GRID2: variants seen among roughly 807,000 people sequenced by gnomAD.
GRID2 encodes glutamate ionotropic receptor delta type subunit 2.
In GRID2, 33 loss-of-function variants were observed where a neutral mutation model predicts 114.8. The observed-to-expected ratio is 0.29, with a 90% CI of 0.22 to 0.38. The LOEUF is 0.38. GRID2 is among the 10% of genes least tolerant of loss of function. The pLI is 1.00. For synonymous variants in GRID2, 505 were observed against 449.9 expected, an observed-to-expected ratio of 1.12 and a Z score of -1.55; for missense variants, 1,184 against 1,257.7, an observed-to-expected ratio of 0.94 and a Z score of 0.89.
intron 2 of GRID2, among the ~76,000 whole-genome samples, chr4:92,807,429 C>CA (rs1167587086): frequency 2.7e-5 from 4 of 149,876 alleles, no homozygotes; most frequent in Admixed American, 1.3e-4. Flanking sequence ...ATGTGATGTG[C>CA]AAAAAAAATG....
chr4:93,055,926 T>C (rs1727189714), intron 2 of GRID2, among the ~76,000 whole-genome samples: 1 of 151,908 alleles, frequency 6.6e-6, no homozygotes. Context: ...GAACCCCCTT[T>C]ATGCTCCCCT....
intron 1 of GRID2, among the ~76,000 whole-genome samples, chr4:92,344,591 G>A (rs1023664013): frequency 2.0e-5 from 3 of 152,132 alleles, no homozygotes; most frequent in Non-Finnish European, 2.9e-5. Context: ...ACTCGGATTC[G>A]AGTGGTGTAG....
intron 2 of GRID2, among the ~76,000 whole-genome samples, chr4:92,753,942 T>G (rs1737582804): frequency 6.6e-6 from 1 of 152,224 alleles, no homozygotes; most frequent in African/African-American, 2.4e-5. Flanking sequence ...GTCTCTTAAC[T>G]GTATAGATAC....
chr4:93,720,014 T>C (rs1303809771), intron 14 of GRID2, among the ~76,000 whole-genome samples: 1 of 152,192 alleles, frequency 6.6e-6, no homozygotes, highest in Admixed American at 6.6e-5. Context: ...TTTGATGAAG[T>C]CTGTTTCATC....
intron 8 of GRID2, among the ~76,000 whole-genome samples, chr4:93,313,063 G>A (rs912119780): frequency 6.6e-6 from 1 of 151,802 alleles, no homozygotes; most frequent in Non-Finnish European, 1.5e-5. Context: ...CATTTATTGA[G>A]AAAAGTCCAG....
intron 1 of GRID2, among the ~76,000 whole-genome samples, chr4:92,330,336 G>T (rs1398449299): frequency 6.6e-6 from 1 of 152,118 alleles, no homozygotes; most frequent in East Asian, 1.9e-4. Flanking sequence ...TGCTTGGAAG[G>T]CTCCTTGACA....
At chr4:93,766,908 T>C (rs1733721123) in intron 14 of GRID2, among the ~76,000 whole-genome samples, 1 of 152,192 alleles carries the variant, frequency 6.6e-6, no homozygotes, top group South Asian at 2.1e-4. Flanking sequence ...TCAAGAACTT[T>C]TCCCTCTTGC....
At chr4:93,524,830 T>C (rs1411890180) in intron 13 of GRID2, among the ~76,000 whole-genome samples, 2 of 104,948 alleles carry the variant, frequency 1.9e-5, no homozygotes, top group Admixed American at 8.9e-5. Context: ...TATGTATATA[T>C]ATATATATAT....
chr4:92,570,392 A>C lies in GRID2; in HGVS notation c.89-19739A>C, dbSNP rs185715279. Among the ~76,000 whole-genome samples, 3 of 152,022 alleles carry C rather than the reference A, an allele frequency of 2.0e-5. No individual in the cohort carries two copies. In the East Asian group the frequency reaches 5.8e-4, roughly 29 times the overall value. On this transcript the variant is annotated intron_variant, in intron 1 of 15. Coordinates refer to ENST00000282020, the MANE Select transcript of GRID2 (RefSeq NM_001510.4). ...TATAGTTTGAAGTGAGATAGCATGA[A>C]GCCTTTGGGTTTGTTCTTTTTGCTT...
At chr4:93,354,023 G>GCGCA (rs59696848) in intron 8 of GRID2, among the ~76,000 whole-genome samples, 3 of 100,236 alleles carry the variant, frequency 3.0e-5, no homozygotes, top group Admixed American at 8.9e-5. Context: ...GCACACACAT[G>GCGCA]CACACACACA....
chr4:93,786,613 G>A (rs1246258142), intron 1 of GRID2, among the ~76,000 whole-genome samples: 1 of 152,226 alleles, frequency 6.6e-6, no homozygotes, highest in Non-Finnish European at 1.5e-5. Context: ...GATGTTTAGT[G>A]AGAATTATGT....
intron 2 of GRID2, among the ~76,000 whole-genome samples, chr4:92,704,155 G>A (rs1181521691): frequency 6.6e-6 from 1 of 152,116 alleles, no homozygotes; most frequent in East Asian, 1.9e-4. Flanking sequence ...GCGGGCGCCT[G>A]TAGTCCCAGC....
At chr4:93,196,778 C>CT (rs1316099395) in intron 4 of GRID2, among the ~76,000 whole-genome samples, 1 of 152,080 alleles carries the variant, frequency 6.6e-6, no homozygotes, top group East Asian at 1.9e-4. Flanking sequence ...CCTCTAGAAG[C>CT]TTTTTTGTTT....
At chr4:92,609,024 A>T (rs902150969) in intron 2 of GRID2, among the ~76,000 whole-genome samples, 1 of 151,858 alleles carries the variant, frequency 6.6e-6, no homozygotes, top group African/African-American at 2.4e-5. Flanking sequence ...ATAGATGTAA[A>T]CAGTCATAAT....
intron 2 of GRID2, among the ~76,000 whole-genome samples, chr4:93,000,973 A>G (rs1720918025): frequency 6.6e-6 from 1 of 151,638 alleles, no homozygotes; most frequent in African/African-American, 2.4e-5. Context: ...ATTTTGAGAG[A>G]AGCAAAAAAG....
At chr4:92,606,040 C>T (rs1164310333) in intron 2 of GRID2, among the ~76,000 whole-genome samples, 2 of 151,928 alleles carry the variant, frequency 1.3e-5, no homozygotes, top group African/African-American at 4.8e-5. Context: ...TCCAGGAAAA[C>T]TAAAATAAAT....
At chr4:93,180,992 G>A (rs1379432611) in intron 4 of GRID2, among the ~76,000 whole-genome samples, 1 of 152,086 alleles carries the variant, frequency 6.6e-6, no homozygotes, top group Non-Finnish European at 1.5e-5. Context: ...ATTCTTAATG[G>A]CATGTAGAAT....
intron 1 of GRID2, among the ~76,000 whole-genome samples, chr4:92,550,162 C>A (rs527782835): frequency 2.4e-4 from 37 of 152,140 alleles, no homozygotes; most frequent in African/African-American, 8.2e-4. Context: ...TATCAAAATG[C>A]TTTGTTCCAG....
intron 1 of GRID2, among the ~76,000 whole-genome samples, chr4:92,448,968 A>G (rs1374325781): frequency 6.6e-6 from 1 of 152,112 alleles, no homozygotes; most frequent in Non-Finnish European, 1.5e-5. Flanking sequence ...CATGTAATAG[A>G]TAATCCCTCT....
Sources: gnomAD v4.1 joint callset for allele counts (sites outside exome capture counted in the v4.1 genomes callset) on GRCh38, gnomAD v4.1.1 for gene constraint, MANE v1.5 for transcripts, NCBI Gene and HGNC (gene_info 2026-07-23, HGNC 2026-07-21) for gene names.